The following SMAD5 variants were observed in gnomAD, a reference collection of about 807,000 sequenced individuals.
SMAD5 encodes the protein MAD, mothers against decapentaplegic homolog 5.
A neutral mutation model predicts 43.1 loss-of-function variants in SMAD5; 9 were observed. That is an observed-to-expected ratio of 0.21 (90% CI 0.13 to 0.36). SMAD5 has a LOEUF of 0.36. SMAD5 is among the 10% of genes least tolerant of loss of function. The pLI, the probability that SMAD5 is intolerant of heterozygous loss-of-function variation, is 1.00. For synonymous variants in SMAD5, 190 were observed against 192.4 expected (o/e 0.99, Z 0.10); for missense variants, 348 against 574.0 (o/e 0.61, Z 4.02).
chr5:136,133,007 C>T (rs1239025185), intron 1 of SMAD5, 45 bp downstream of exon 1: 1 of 152,438 alleles, frequency 6.6e-6, no homozygotes, highest in East Asian at 1.9e-4. Context: ...GAACTGGGGG[C>T]TGCAGGCTCT....
chr5:136,147,147 A>T (rs538992635), intron 1 of SMAD5, among the ~76,000 whole-genome samples: 3 of 151,878 alleles, frequency 2.0e-5, no homozygotes, highest in Admixed American at 6.6e-5. Flanking sequence ...TGTTCCAGTA[A>T]TAAGTGTGCT....
chr5:136,167,307 A>G (rs1182918838), intron 5 of SMAD5, among the ~76,000 whole-genome samples: 1 of 151,950 alleles, frequency 6.6e-6, no homozygotes, highest in Non-Finnish European at 1.5e-5. Flanking sequence ...AAACTTTAAA[A>G]TCTGAGCTCT....
At chr5:136,137,312 A>G (rs1342366125) in intron 1 of SMAD5, among the ~76,000 whole-genome samples, 2 of 134,914 alleles carry the variant, frequency 1.5e-5, no homozygotes, top group African/African-American at 5.8e-5. Context: ...TGTACTTTAT[A>G]GACTGGTACA....
intron 1 of SMAD5, among the ~76,000 whole-genome samples, chr5:136,145,072 A>G (rs1174684411): frequency 6.6e-6 from 1 of 151,854 alleles, no homozygotes; most frequent in African/African-American, 2.4e-5. Context: ...AAGGACTTTG[A>G]GAGAGGACAA....
intron 7 of SMAD5, 100 bp from the exon 8 acceptor site, chr5:136,177,237 T>C (rs1754451711): frequency 1.0e-6 from 1 of 958,724 alleles, no homozygotes; most frequent in African/African-American, 1.6e-5. Flanking sequence ...CTTCTACATA[T>C]CTCTACTGTT....
intron 5 of SMAD5, 60 bp from the exon 6 acceptor site, chr5:136,172,374 C>T: frequency 1.0e-6 from 1 of 995,224 alleles, no homozygotes; most frequent in South Asian, 1.6e-5. Flanking sequence ...AAGATAAACA[C>T]ATGGACAATC....
rs528965026 is a variant in SMAD5 at position 136,161,147 on chromosome 5, C to G, written c.655+40C>G. ...TATTGATACCAAAAAAAAAAAAATT[C>G]CTAAGAATCACAGTTGTTCTTACTG... On this transcript the variant is annotated intron_variant, in intron 4 of 7. Coordinates refer to ENST00000545279, the MANE Select transcript of SMAD5 (RefSeq NM_005903.7). 4 of 1,555,852 alleles carry G rather than the reference C, an allele frequency of 2.6e-6. No individual in the cohort carries two copies. The South Asian group carries it at 4.6e-5, about 18-fold the overall frequency.
chr5:136,157,530 C>A (rs1753679515), intron 3 of SMAD5, among the ~76,000 whole-genome samples: 1 of 152,172 alleles, frequency 6.6e-6, no homozygotes. Flanking sequence ...GAGCCCTGAG[C>A]TTGTTTACCT....
intron 3 of SMAD5, among the ~76,000 whole-genome samples, chr5:136,156,393 C>T (rs1457508353): frequency 6.6e-6 from 1 of 152,074 alleles, no homozygotes; most frequent in Non-Finnish European, 1.5e-5. Flanking sequence ...CAGTGGTTAC[C>T]TTAGAGTCTA....
intron 5 of SMAD5, among the ~76,000 whole-genome samples, chr5:136,166,103 T>C (rs1042666928): frequency 3.9e-5 from 6 of 152,020 alleles, no homozygotes; most frequent in African/African-American, 1.4e-4. Flanking sequence ...ATTTTTTAGA[T>C]ATTGACCATT....
intron 1 of SMAD5, among the ~76,000 whole-genome samples, chr5:136,136,999 G>C (rs531260751): frequency 4.6e-5 from 7 of 151,234 alleles, no homozygotes; most frequent in African/African-American, 1.7e-4. Context: ...GCCTGGCTGG[G>C]CTCTTTATTT....
chr5:136,161,938 AT>A (rs1323271412), intron 4 of SMAD5, among the ~76,000 whole-genome samples: 1 of 152,258 alleles, frequency 6.6e-6, no homozygotes, highest in Admixed American at 6.5e-5. Flanking sequence ...GGTCACAAAA[AT>A]ATCACTAAAT....
intron 4 of SMAD5, among the ~76,000 whole-genome samples, chr5:136,162,678 A>G (rs1048825365): frequency 1.3e-5 from 2 of 152,214 alleles, no homozygotes; most frequent in African/African-American, 4.8e-5. Flanking sequence ...TTCAACTATG[A>G]GTGTTGAAAC....
At chr5:136,173,529 A>G (rs1754297232) in intron 6 of SMAD5, among the ~76,000 whole-genome samples, 1 of 152,188 alleles carries the variant, frequency 6.6e-6, no homozygotes, top group Non-Finnish European at 1.5e-5. Flanking sequence ...TTTACTGCCA[A>G]CTTGCCTTAG....
intron 1 of SMAD5, among the ~76,000 whole-genome samples, chr5:136,135,644 G>A (rs1752848561): frequency 6.6e-6 from 1 of 152,026 alleles, no homozygotes; most frequent in Non-Finnish European, 1.5e-5. Context: ...AATATTACTA[G>A]TACTTTGTAG....
At chr5:136,165,687 T>TGTGACTGGC (rs1753982170) in intron 5 of SMAD5, among the ~76,000 whole-genome samples, 1 of 141,436 alleles carries the variant, frequency 7.1e-6, no homozygotes, top group African/African-American at 2.7e-5. Context: ...TTTTTTTTTT[T>TGTGACTGGC]TTTTTTTTTT....
Position 136,143,677 on chromosome 5 carries a change from C to T in SMAD5, c.-244-4155C>T, listed in dbSNP as rs533472825. On this transcript the variant is annotated intron_variant, in intron 1 of 7. Coordinates refer to ENST00000545279, the MANE Select transcript of SMAD5 (RefSeq NM_005903.7). ...ATGATAGATTGTTATATTTCTATCTCGTATTCAGTATTTTGGTAGTCACTC... is the reference window on the plus strand; with the variant it reads ...ATGATAGATTGTTATATTTCTATCTTGTATTCAGTATTTTGGTAGTCACTC... Among the ~76,000 whole-genome samples the T allele has an allele frequency of 2.4e-4, 36 of 151,846 alleles. 1 individual carries two copies. Among genetic ancestry groups the T allele is most frequent in the Middle Eastern group, 3.4e-3 (1 of 294 alleles).
At chr5:136,170,369 C>T (rs1221906576) in intron 5 of SMAD5, among the ~76,000 whole-genome samples, 1 of 151,968 alleles carries the variant, frequency 6.6e-6, no homozygotes, top group Non-Finnish European at 1.5e-5. Flanking sequence ...ATTGTCTTTG[C>T]TCCTTTGTCA....
Position 136,161,238 on chromosome 5 carries a change from G to A in SMAD5, c.655+131G>A. On this transcript the variant is annotated intron_variant, in intron 4 of 7. Transcript: ENST00000545279. Reference sequence around the variant, plus strand: ...GCTGTTTCTGACTCTTTATTCTTTAGGTAATTGTTTGATTTCCAGAAGAGT... The same window carrying A: ...GCTGTTTCTGACTCTTTATTCTTTAAGTAATTGTTTGATTTCCAGAAGAGT... 8.7e-6 allele frequency: 7 copies of A among 803,694 alleles called. No individual in the cohort carries two copies. In the South Asian group the frequency reaches 1.4e-4, roughly 16 times the overall value. 49.8% of individuals were successfully genotyped at this position (803,694 alleles called of 1,614,324 possible). A position where few individuals can be genotyped will look rare whatever the true frequency, so the allele number is the denominator to read the frequency against.
Sources: allele counts gnomAD v4.1 joint callset (sites outside exome capture counted in the v4.1 genomes callset), GRCh38; gene constraint gnomAD v4.1.1; transcripts MANE v1.5; gene names NCBI Gene and HGNC (gene_info 2026-07-23, HGNC 2026-07-21).